GREB1L: variants seen among roughly 807,000 people sequenced by gnomAD.
GREB1L encodes GREB1 like retinoic acid receptor coactivator.
GREB1L carries 17 observed loss-of-function variants against 200.8 expected under a neutral mutation model. That is an observed-to-expected ratio of 0.08 (90% CI 0.06 to 0.13). GREB1L has a LOEUF of 0.13. GREB1L is among the 10% of genes least tolerant of loss of function. The probability of loss-of-function intolerance (pLI) is 1.00; values close to 1 mark genes in which losing one functional copy is unlikely to be tolerated. For synonymous variants in GREB1L, 789 were observed against 893.0 expected (o/e 0.88, Z 2.08); for missense variants, 1,657 against 2,367.7 (o/e 0.70, Z 6.23).
At chr18:21,424,511 G>A (rs1325438805) in intron 7 of GREB1L, among the ~76,000 whole-genome samples, 1 of 152,168 alleles carries the variant, frequency 6.6e-6, no homozygotes, top group East Asian at 1.9e-4. Flanking sequence ...AGAGGTTACA[G>A]TGAGCCAAGA....
chr18:21,476,791 C>T (rs575079113), intron 16 of GREB1L, among the ~76,000 whole-genome samples: 6 of 151,470 alleles, frequency 4.0e-5, no homozygotes, highest in Non-Finnish European at 8.8e-5. Context: ...GTTGGCCAGG[C>T]TGGTCTTGAA....
At chr18:21,290,067 T>C (rs2038422604) in intron 1 of GREB1L, among the ~76,000 whole-genome samples, 1 of 152,236 alleles carries the variant, frequency 6.6e-6, no homozygotes, top group African/African-American at 2.4e-5. Flanking sequence ...AATGCTATGC[T>C]GTTACTTGGC....
chr18:21,500,495 T>G, intron 22 of GREB1L, 45 bp from the exon 23 acceptor site: 2 of 1,369,056 alleles, frequency 1.5e-6, no homozygotes, highest in Non-Finnish European at 2.0e-6. Context: ...TCTTCCCCTC[T>G]CTTTCCCGCC....
chr18:21,457,964 GTT>G (rs11414940), intron 15 of GREB1L, among the ~76,000 whole-genome samples: 3 of 117,854 alleles, frequency 2.5e-5, no homozygotes, highest in African/African-American at 3.3e-5. Flanking sequence ...AGCAAGGACA[GTT>G]TTTTTTTTTT....
chr18:21,255,649 T>C (rs183120789), intron 1 of GREB1L, among the ~76,000 whole-genome samples: 1 of 152,338 alleles, frequency 6.6e-6, no homozygotes, highest in Admixed American at 6.5e-5. Context: ...TATGGAAATA[T>C]ACTGACCACT....
chr18:21,521,492 G>A (rs903741661), intron 32 of GREB1L, among the ~76,000 whole-genome samples: 4 of 152,148 alleles, frequency 2.6e-5, no homozygotes, highest in African/African-American at 9.7e-5. Context: ...TGTGCAGCAT[G>A]AGAACAGGGA....
At chr18:21,436,669 G>GGGGT (rs1447242837) in intron 7 of GREB1L, among the ~76,000 whole-genome samples, 29 of 132,534 alleles carry the variant, frequency 2.2e-4, no homozygotes, top group African/African-American at 6.9e-4. Flanking sequence ...AAAGTTCAGT[G>GGGGT]GTGTGTGTGT....
chr18:21,282,251 G>C (rs2038282425), intron 1 of GREB1L, among the ~76,000 whole-genome samples: 1 of 152,066 alleles, frequency 6.6e-6, no homozygotes, highest in Admixed American at 6.5e-5. Context: ...TCCAGCCTGG[G>C]CAACAGAGCA....
chr18:21,426,513 A>G (rs2032588886), intron 7 of GREB1L, among the ~76,000 whole-genome samples: 1 of 152,202 alleles, frequency 6.6e-6, no homozygotes, highest in African/African-American at 2.4e-5. Context: ...TGCCCATAAA[A>G]TGTAAGAGTT....
In GREB1L at chr18:21,440,307, C is replaced by T. The variant is rs377314861; in HGVS notation, c.988C>T (p.Arg330Trp). Reference protein sequence around the residue: ...FISGPPKKRHRGWYPGSPLPQ... With the variant: ...FISGPPKKRHWGWYPGSPLPQ... ...TTCTGGGCCACCAAAGAAACGACAC[C>T]GGGGATGGTATCCTGGGTCACCTCT... Residue 330 changes from arginine to tryptophan, a missense_variant, in exon 9 of 33, where the codon CGG (arginine) becomes TGG (tryptophan). Transcript: ENST00000424526. 11 of 1,551,592 alleles carry T rather than the reference C, an allele frequency of 7.1e-6. No individual in the cohort carries two copies. The highest frequency in any genetic ancestry group is 2.4e-5 in the East Asian group (1 of 40,908).
intron 18 of GREB1L, 133 bp from the exon 19 acceptor site, chr18:21,489,879 T>G: frequency 6.0e-6 from 4 of 661,636 alleles, no homozygotes; most frequent in Non-Finnish European, 1.0e-5. Context: ...CAGGTCATTC[T>G]AGAACTAAAG....
intron 1 of GREB1L, among the ~76,000 whole-genome samples, chr18:21,296,891 G>A (rs1567926405): frequency 6.6e-6 from 1 of 152,186 alleles, no homozygotes; most frequent in East Asian, 1.9e-4. Context: ...CTGACCTCAA[G>A]TGAGCCACCC....
intron 7 of GREB1L, among the ~76,000 whole-genome samples, chr18:21,407,433 C>G (rs1207188740): frequency 6.6e-6 from 1 of 152,088 alleles, no homozygotes; most frequent in Non-Finnish European, 1.5e-5. Context: ...GTCTATGAGT[C>G]ATTTTGAATT....
chr18:21,340,971 C>T (rs1465063143), intron 1 of GREB1L, among the ~76,000 whole-genome samples: 1 of 152,230 alleles, frequency 6.6e-6, no homozygotes, highest in Non-Finnish European at 1.5e-5. Context: ...ATGCAACGTA[C>T]TTCACATACA....
intron 1 of GREB1L, among the ~76,000 whole-genome samples, chr18:21,337,758 G>C (rs1438133556): frequency 6.6e-6 from 1 of 152,044 alleles, no homozygotes; most frequent in Non-Finnish European, 1.5e-5. Flanking sequence ...AGGCCGAGGC[G>C]GGTAGATCAC....
At chr18:21,414,178 C>T (rs996518637) in intron 7 of GREB1L, among the ~76,000 whole-genome samples, 5 of 152,076 alleles carry the variant, frequency 3.3e-5, no homozygotes, top group African/African-American at 1.2e-4. Context: ...TTGAGCAAAT[C>T]GTGACATACA....
chr18:21,392,391 C>CA (rs1271517598), intron 4 of GREB1L, among the ~76,000 whole-genome samples: 1 of 151,714 alleles, frequency 6.6e-6, no homozygotes, highest in African/African-American at 2.4e-5. Context: ...CCATAGGCTC[C>CA]AAAAAATATT....
chr18:21,246,457 TG>T (rs1275412354), intron 1 of GREB1L, among the ~76,000 whole-genome samples: 1 of 152,214 alleles, frequency 6.6e-6, no homozygotes, highest in Non-Finnish European at 1.5e-5. Flanking sequence ...ATTTAATCAG[TG>T]TAACATTTTA....
At chr18:21,326,843 G>T (rs1423366723) in intron 1 of GREB1L, among the ~76,000 whole-genome samples, 3 of 152,132 alleles carry the variant, frequency 2.0e-5, no homozygotes, top group Admixed American at 1.3e-4. Context: ...CCAGCCTGTT[G>T]TTCCCTCCTC....
Sources: gnomAD v4.1 joint callset for allele counts (sites outside exome capture counted in the v4.1 genomes callset) on GRCh38, gnomAD v4.1.1 for gene constraint, MANE v1.5 for transcripts, NCBI Gene and HGNC (gene_info 2026-07-23, HGNC 2026-07-21) for gene names.